Variants in CDH13 observed in about 807,000 individuals in gnomAD.
The protein encoded by CDH13 is cadherin-13.
Under a neutral mutation model 63.8 loss-of-function variants are expected in CDH13, and 24 were observed. The ratio of observed to expected loss-of-function variants is 0.38; its 90% CI spans 0.27 to 0.53. The LOEUF (loss-of-function observed/expected upper bound fraction) is 0.53. Ranked by LOEUF, CDH13 falls within the 20% of genes least tolerant of loss-of-function variation. The probability of loss-of-function intolerance (pLI) is 0.85; values close to 1 mark genes in which losing one functional copy is unlikely to be tolerated. For synonymous variants in CDH13, 503 were observed against 355.3 expected, an observed-to-expected ratio of 1.42 and a Z score of -4.67; for missense variants, 1,049 against 903.1, an observed-to-expected ratio of 1.16 and a Z score of -2.07.
intron 1 of CDH13, among the ~76,000 whole-genome samples, chr16:82,640,011 G>A (rs1477691691): frequency 6.6e-6 from 1 of 152,254 alleles, no homozygotes; most frequent in African/African-American, 2.4e-5. Context: ...TCAGCATTGA[G>A]GGAGGCAGCA....
At chr16:83,765,462 A>C (rs1173728352) in intron 11 of CDH13, among the ~76,000 whole-genome samples, 1 of 152,210 alleles carries the variant, frequency 6.6e-6, no homozygotes, top group Non-Finnish European at 1.5e-5. Context: ...AGTATAGTAT[A>C]CACGGAAACC....
At chr16:82,721,703 G>A (rs897292245) in intron 1 of CDH13, among the ~76,000 whole-genome samples, 4 of 152,204 alleles carry the variant, frequency 2.6e-5, no homozygotes, top group Admixed American at 2.6e-4. Context: ...TCTGGTCTTT[G>A]TAGGCCATGA....
intron 2 of CDH13, among the ~76,000 whole-genome samples, chr16:82,999,135 A>C (rs763816599): frequency 6.6e-6 from 1 of 152,044 alleles, no homozygotes; most frequent in African/African-American, 2.4e-5. Flanking sequence ...ATTATGTTAC[A>C]TTCTTTGGAC....
At chr16:83,540,019 C>G (rs951864854) in intron 7 of CDH13, among the ~76,000 whole-genome samples, 2 of 151,786 alleles carry the variant, frequency 1.3e-5, no homozygotes, top group Non-Finnish European at 2.9e-5. Flanking sequence ...GGTGGTTTGT[C>G]CTGGACAAGA....
intron 6 of CDH13, among the ~76,000 whole-genome samples, chr16:83,437,270 T>A (rs1352986462): frequency 6.6e-6 from 1 of 152,194 alleles, no homozygotes; most frequent in African/African-American, 2.4e-5. Flanking sequence ...TTAGATCGGA[T>A]AATGATAGTC....
At chr16:83,760,960 G>C (rs2150986535) in intron 11 of CDH13, among the ~76,000 whole-genome samples, 1 of 152,272 alleles carries the variant, frequency 6.6e-6, no homozygotes, top group South Asian at 2.1e-4. Context: ...TTCTACATAA[G>C]GAACAAAGCA....
At chr16:82,890,447 G>A (rs1404057112) in intron 2 of CDH13, among the ~76,000 whole-genome samples, 1 of 152,162 alleles carries the variant, frequency 6.6e-6, no homozygotes, top group Non-Finnish European at 1.5e-5. Context: ...TCCTTTGCTA[G>A]AGTCGGAATA....
At chr16:82,887,880 C>G (rs147135035) in intron 2 of CDH13, among the ~76,000 whole-genome samples, 3 of 152,076 alleles carry the variant, frequency 2.0e-5, no homozygotes, top group Admixed American at 6.5e-5. Context: ...CAGGTGAACC[C>G]AGCCTCCCTA....
At chr16:83,131,200 C>A (rs866991864) in intron 4 of CDH13, among the ~76,000 whole-genome samples, 33 of 112,234 alleles carry the variant, frequency 2.9e-4, no homozygotes, top group Non-Finnish European at 6.0e-4. Context: ...CCCCCCCCCC[C>A]CGCCCACAGA....
At chr16:83,399,326 T>G (rs2091933104) in intron 6 of CDH13, among the ~76,000 whole-genome samples, 1 of 152,362 alleles carries the variant, frequency 6.6e-6, no homozygotes, top group East Asian at 1.9e-4. Flanking sequence ...AATATGTTAC[T>G]TCTGTAATGA....
At chr16:82,970,702 C>G (rs970164848) in intron 2 of CDH13, among the ~76,000 whole-genome samples, 6 of 152,116 alleles carry the variant, frequency 3.9e-5, no homozygotes, top group African/African-American at 1.4e-4. Flanking sequence ...TAAACCTTAC[C>G]TGTTTGAGTG....
chr16:83,153,400 G>A (rs1335538298), intron 4 of CDH13, among the ~76,000 whole-genome samples: 1 of 152,020 alleles, frequency 6.6e-6, no homozygotes, highest in African/African-American at 2.4e-5. Context: ...GTTTAGGGAG[G>A]GTCAGTATCT....
At chr16:83,075,967 C>G (rs1456741765) in intron 3 of CDH13, among the ~76,000 whole-genome samples, 1 of 152,140 alleles carries the variant, frequency 6.6e-6, no homozygotes, top group Non-Finnish European at 1.5e-5. Context: ...GTGACAAAAA[C>G]CAAACCAGGA....
rs144797029 is a variant in CDH13, at chr16:83,179,138, C to T, written c.484-38207C>T. 5.3e-3 allele frequency among the ~76,000 whole-genome samples: 804 copies of T among 152,210 alleles called. 5 individuals are homozygous for T. Among genetic ancestry groups the T allele is most frequent in the South Asian group, 0.012 (58 of 4,818 alleles). ...GCCTAGTAGGACTTTCAATCCCCTT[C>T]CTTGGAAAACTGCCTTAGTAAGGAG... On this transcript the variant is annotated intron_variant, in intron 4 of 13. Transcript: ENST00000567109.
At chr16:83,536,869 G>C (rs894263973) in intron 7 of CDH13, among the ~76,000 whole-genome samples, 1 of 152,180 alleles carries the variant, frequency 6.6e-6, no homozygotes, top group Non-Finnish European at 1.5e-5. Flanking sequence ...GGAGGGTCAG[G>C]TGGCCAGGAT....
intron 3 of CDH13, among the ~76,000 whole-genome samples, chr16:83,072,108 G>A (rs1473553955): frequency 1.3e-5 from 2 of 152,198 alleles, no homozygotes; most frequent in Admixed American, 6.6e-5. Flanking sequence ...TAGTCAAGTC[G>A]AAAATTGTTC....
chr16:83,247,469 C>T (rs977569996), intron 5 of CDH13, among the ~76,000 whole-genome samples: 1 of 145,776 alleles, frequency 6.9e-6, no homozygotes, highest in Non-Finnish European at 1.5e-5. Context: ...TCTGTACATC[C>T]TGAGGATGAA....
intron 7 of CDH13, among the ~76,000 whole-genome samples, chr16:83,598,690 A>G (rs1238599633): frequency 6.6e-6 from 1 of 152,168 alleles, no homozygotes; most frequent in East Asian, 1.9e-4. Flanking sequence ...TCTAAGGAAT[A>G]AATTCTGGCT....
intron 1 of CDH13, among the ~76,000 whole-genome samples, chr16:82,698,964 A>G (rs1453212335): frequency 3.3e-5 from 5 of 152,036 alleles, no homozygotes; most frequent in African/African-American, 9.7e-5. Context: ...AAAAACAGAG[A>G]TATTCTTAGC....
Sources: allele counts gnomAD v4.1 joint callset (sites outside exome capture counted in the v4.1 genomes callset), GRCh38; gene constraint gnomAD v4.1.1; transcripts MANE v1.5; gene names NCBI Gene and HGNC (gene_info 2026-07-23, HGNC 2026-07-21).